Variants in SUCLG2 observed in about 807,000 individuals in gnomAD.
SUCLG2 encodes the protein succinate--CoA ligase [GDP-forming] subunit beta, mitochondrial.
A neutral mutation model predicts 47.9 loss-of-function variants in SUCLG2; 42 were observed. That is an observed-to-expected ratio of 0.88 (90% confidence interval 0.69 to 1.14). SUCLG2 has a LOEUF of 1.14. Among genes scored for constraint, SUCLG2 ranks in the 50% most tolerant of loss-of-function variants. The pLI is 0.00. For missense variants in SUCLG2, 571 were observed against 525.9 expected, an observed-to-expected ratio of 1.09 and a Z score of -0.84; for synonymous variants, 195 against 197.3, an observed-to-expected ratio of 0.99 and a Z score of 0.10.
intron 2 of SUCLG2, among the ~76,000 whole-genome samples, chr3:67,547,332 T>G (rs1610008): frequency 0.18 from 28,116 of 152,236 alleles, 4,219 homozygotes; most frequent in East Asian, 0.44. Flanking sequence ...ACCCAGTCTC[T>G]GGTATTTCCT....
intron 2 of SUCLG2, among the ~76,000 whole-genome samples, chr3:67,603,867 A>C (rs1011857411): frequency 1.4e-4 from 21 of 152,326 alleles, no homozygotes; most frequent in Non-Finnish European, 2.4e-4. Context: ...TCATTCACAC[A>C]GTAGGTATTC....
At chr3:67,628,910 C>G (rs9834508) in intron 1 of SUCLG2, among the ~76,000 whole-genome samples, 51 of 152,260 alleles carry the variant, frequency 3.3e-4, no homozygotes, top group African/African-American at 1.1e-3. Flanking sequence ...CATGTTAACA[C>G]AGGAGAACGT....
intron 2 of SUCLG2, among the ~76,000 whole-genome samples, chr3:67,592,140 C>T (rs929280249): frequency 4.6e-5 from 7 of 152,222 alleles, no homozygotes; most frequent in African/African-American, 1.7e-4. Context: ...AGAAGCTTGC[C>T]CAAGATCTCA....
At chr3:67,442,700 G>T (rs1213043539) in intron 9 of SUCLG2, among the ~76,000 whole-genome samples, 1 of 152,168 alleles carries the variant, frequency 6.6e-6, no homozygotes, top group Non-Finnish European at 1.5e-5. Flanking sequence ...TTTTCCTACA[G>T]AGACTTTGTG....
rs981133164 is a variant in SUCLG2 at position 67,512,630 on chromosome 3, T to C, written c.661-3727A>G. The stretch of plus-strand genomic sequence containing the variant: ...AAACTTCCTTTTTAAAAAATTGTGA[T>C]AAAATATACAAAACATAAAATTCAC... On this transcript the variant is annotated intron_variant, in intron 6 of 10. Coordinates refer to ENST00000307227, the MANE Select transcript of SUCLG2 (RefSeq NM_003848.4). Among the ~76,000 whole-genome samples, 6 of 151,210 alleles carry C rather than the reference T, an allele frequency of 4.0e-5. 1 individual carries two copies. Among genetic ancestry groups the C allele is most frequent in the African/African-American group, 1.5e-4 (6 of 40,532 alleles).
At chr3:67,622,817 T>A (rs555991919) in intron 1 of SUCLG2, among the ~76,000 whole-genome samples, 13 of 152,310 alleles carry the variant, frequency 8.5e-5, no homozygotes, top group African/African-American at 3.1e-4. Context: ...GGCCTGAAGT[T>A]ACAAGAGTAA....
intron 2 of SUCLG2, among the ~76,000 whole-genome samples, chr3:67,573,256 C>A (rs927223691): frequency 2.6e-5 from 4 of 152,134 alleles, no homozygotes; most frequent in African/African-American, 9.7e-5. Context: ...ACAGGATCAA[C>A]ATGAACTCTA....
chr3:67,491,414 G>C (rs1189408198), intron 9 of SUCLG2, among the ~76,000 whole-genome samples: 1 of 143,258 alleles, frequency 7.0e-6, no homozygotes, highest in Non-Finnish European at 1.5e-5. Context: ...TCCCAGGCTG[G>C]AGTGCAATGG....
chr3:67,491,941 C>T (rs1293685738), intron 9 of SUCLG2, among the ~76,000 whole-genome samples: 1 of 152,154 alleles, frequency 6.6e-6, no homozygotes, highest in African/African-American at 2.4e-5. Flanking sequence ...AGTTAAATAG[C>T]ATGCCCAAGG....
At chr3:67,613,323 T>C (rs369780142) in intron 1 of SUCLG2, among the ~76,000 whole-genome samples, 1 of 152,136 alleles carries the variant, frequency 6.6e-6, no homozygotes, top group Non-Finnish European at 1.5e-5. Context: ...AAGACACTCA[T>C]CACTTCAGAT....
chr3:67,613,501 T>C (rs9877255), intron 1 of SUCLG2, among the ~76,000 whole-genome samples: 74,168 of 152,008 alleles, frequency 0.49, 19,026 homozygotes, highest in African/African-American at 0.64. Context: ...CCATCCCTCC[T>C]ACCCCATCGA....
chr3:67,473,035 T>C (rs1704643265), intron 9 of SUCLG2, among the ~76,000 whole-genome samples: 1 of 152,188 alleles, frequency 6.6e-6, no homozygotes, highest in East Asian at 1.9e-4. Flanking sequence ...CTTCAGTATG[T>C]TATTAAGTGG....
chr3:67,600,334 T>C (rs972787755), intron 2 of SUCLG2, among the ~76,000 whole-genome samples: 1 of 152,160 alleles, frequency 6.6e-6, no homozygotes, highest in African/African-American at 2.4e-5. Flanking sequence ...CTCAGTTCAA[T>C]CCAAAAAAAG....
chr3:67,554,949 A>T (rs1026341652), intron 2 of SUCLG2, among the ~76,000 whole-genome samples: 4 of 152,176 alleles, frequency 2.6e-5, no homozygotes, highest in Non-Finnish European at 4.4e-5. Flanking sequence ...TGCATACTGG[A>T]GATCAAGTAC....
At chr3:67,535,013 T>C (rs1207001380) in intron 2 of SUCLG2, among the ~76,000 whole-genome samples, 1 of 152,144 alleles carries the variant, frequency 6.6e-6, no homozygotes, top group East Asian at 1.9e-4. Flanking sequence ...TATTATGATA[T>C]ACATTGACAG....
intron 9 of SUCLG2, among the ~76,000 whole-genome samples, chr3:67,411,272 C>G (rs1363507599): frequency 2.4e-4 from 36 of 151,934 alleles, no homozygotes; most frequent in Admixed American, 2.4e-3. Flanking sequence ...CTTAAGACCA[C>G]ACAGATTCAC....
chr3:67,443,058 TC>T (rs954193175), intron 9 of SUCLG2, among the ~76,000 whole-genome samples: 1 of 152,202 alleles, frequency 6.6e-6, no homozygotes, highest in African/African-American at 2.4e-5. Context: ...TTGGTCATAC[TC>T]CATAAACAAT....
At chr3:67,535,414 G>A (rs1277379449) in intron 2 of SUCLG2, among the ~76,000 whole-genome samples, 1 of 151,972 alleles carries the variant, frequency 6.6e-6, no homozygotes, top group Non-Finnish European at 1.5e-5. Context: ...AGGAGCTGGG[G>A]AAAAGGACTT....
At chr3:67,422,985 A>G (rs756389113) in intron 9 of SUCLG2, among the ~76,000 whole-genome samples, 23 of 152,182 alleles carry the variant, frequency 1.5e-4, no homozygotes, top group Non-Finnish European at 2.5e-4. Flanking sequence ...ATTAGGCTGA[A>G]GAAGGTAGGT....
Sources: allele counts gnomAD v4.1 joint callset (sites outside exome capture counted in the v4.1 genomes callset), GRCh38; gene constraint gnomAD v4.1.1; transcripts MANE v1.5; gene names NCBI Gene and HGNC (gene_info 2026-07-23, HGNC 2026-07-21).